Variants in NPHS1 observed in about 807,000 individuals in gnomAD.
NPHS1 encodes nephrin.
In NPHS1, 107 loss-of-function variants were observed where a neutral mutation model predicts 139.7. The observed-to-expected ratio is 0.77, with a 90% CI of 0.66 to 0.90. NPHS1 has a LOEUF of 0.90. NPHS1 is among the 40% of genes least tolerant of loss of function. The pLI is 0.00. For synonymous variants in NPHS1, 707 were observed against 706.6 expected (o/e 1.00, Z -0.01); for missense variants, 1,580 against 1,654.2 (o/e 0.96, Z 0.78).
chr19:35,838,573 C>T (rs746821898), intron 22 of NPHS1, among the ~76,000 whole-genome samples: 38 of 149,088 alleles, frequency 2.5e-4, no homozygotes, highest in South Asian at 2.1e-4. Context: ...AATAAGGCCG[C>T]GCATGGTGGC....
chr19:35,831,995 C>A (rs574900198), intron 23 of NPHS1, among the ~76,000 whole-genome samples: 1 of 152,186 alleles, frequency 6.6e-6, no homozygotes, highest in Non-Finnish European at 1.5e-5. Flanking sequence ...AAACTCAGAA[C>A]GGAACTCTGG....
At chr19:35,850,250 T>C (rs1973217286) in intron 5 of NPHS1, 114 bp downstream of exon 5, 3 of 809,608 alleles carry the variant, frequency 3.7e-6, no homozygotes, top group East Asian at 5.1e-5. Flanking sequence ...GGATGAAGAA[T>C]TGGGTCCCAG....
At position 35,846,016 on chromosome 19, in the gene NPHS1, G is replaced by T. The variant is rs149598144; in HGVS notation, c.1619C>A (p.Ala540Glu). ...GCAGTGCGAGCCCTCACACTGCACCGCCAGCTGCGTGGACGCGCTGAGCTG... is the reference window on the plus strand; with the variant it reads ...GCAGTGCGAGCCCTCACACTGCACCTCCAGCTGCGTGGACGCGCTGAGCTG... The part of the protein sequence containing the change: ...AGQLSASTQL[A>E]VQFPPTNVTI... The change falls in exon 12 of 29, where the codon GCG becomes GAG. Residue 540 changes from alanine (A) to glutamate (E), a missense_variant. Physicochemically the swap from Ala to Glu is moderately radical, Grantham distance 107. Transcript: ENST00000378910. 1,355 of 1,422,266 alleles carry T rather than the reference G, an allele frequency of 9.5e-4. 1 individual carries two copies. Among genetic ancestry groups the T allele is most frequent in the Non-Finnish European group, 1.2e-3 (1,307 of 1,064,722 alleles). The allele number at this position is 1,422,266 out of a possible 1,614,324, so 88.1% of individuals were successfully genotyped here.
In NPHS1 at chr19:35,844,177, TC is replaced by T. The variant is rs1973102039; in HGVS notation, c.2137del (p.Asp713ThrfsTer39). On this transcript the variant is annotated frameshift_variant, in exon 16 of 29. Transcript: ENST00000378910. LOFTEE classifies it high-confidence loss of function. ...GCAGTGCAGCTGATAGAGGCCGTCG[TC>T]CGCGCGGGTCACATTCCACAGATGC... Reference protein sequence around the residue: ...ALHLWNVTRADDGLYQLHCQN... With the variant: ...ALHLWNVTRAXDGLYQLHCQN... 1 of 1,611,394 alleles carries T rather than the reference TC, an allele frequency of 6.2e-7. No individual in the cohort carries two copies. The highest frequency in any genetic ancestry group is 8.5e-7 in the Non-Finnish European group (1 of 1,179,992).
rs751999651 is a variant in NPHS1 at position 35,826,611 on chromosome 19, T to G, written c.3629A>C (p.Tyr1210Ser). The G allele has an allele frequency of 2.5e-6, 4 of 1,614,044 alleles. No homozygotes were observed. The highest frequency in any genetic ancestry group is 3.4e-6 in the Non-Finnish European group (4 of 1,179,996). The change falls in exon 29 of 29, where the codon TAT becomes TCT. Residue 1210 changes from tyrosine (Y) to serine (S), a missense_variant. Tyr to Ser is a moderately radical substitution (Grantham distance 144). Coordinates refer to ENST00000378910, the MANE Select transcript of NPHS1 (RefSeq NM_004646.4). ...PWDLHWPEDTYQDPRGIYDQV... is the reference protein window; with the variant it reads ...PWDLHWPEDTSQDPRGIYDQV... ...GTCATAGATTCCTCTTGGATCCTGA[T>G]ATGTGTCTTCAGGCCAGTGGAGGTC...
At chr19:35,850,848 C>T (rs951924804) in intron 4 of NPHS1, 113 bp downstream of exon 4, 9 of 1,387,642 alleles carry the variant, frequency 6.5e-6, no homozygotes, top group South Asian at 1.2e-5. Flanking sequence ...GGTCCCCATC[C>T]CAGGGATGAC....
At position 35,848,090 on chromosome 19, in the gene NPHS1, A is replaced by T. The variant is rs1433100881; in HGVS notation, c.1391T>A (p.Val464Glu). ...TGGGTTGCCCCCGATAGCCAAACAC[A>T]CCAGCCTCACCCGGGTCCCAGCCCG... is the stretch of plus-strand genomic sequence containing the variant. ...KLRAGTRVRL[V>E]CLAIGGNPEP... is the part of the protein sequence containing the mutation. The change falls in exon 11 of 29, where the codon GTG becomes GAG. Residue 464 changes from valine to glutamate, a missense_variant. Transcript: ENST00000378910. The T allele has an allele frequency of 6.2e-7, 1 of 1,613,790 alleles. No individual in the cohort carries two copies. The highest frequency in any genetic ancestry group is 8.5e-7 in the Non-Finnish European group (1 of 1,179,976).
In NPHS1 at chr19:35,831,139, GTGCTGA is replaced by G; in HGVS notation, c.3389_3394del (p.Val1130_Thr1132delinsAla). ...GCGGTAATACGGCTCTGCCTCTGTT[GTGCTGA>G]CCTGTTCCCCACACGCAAAACAAAC... On this transcript the variant is annotated inframe_deletion and splice_region_variant, in exon 27 of 29. Coordinates refer to ENST00000378910, the MANE Select transcript of NPHS1 (RefSeq NM_004646.4). 5 of 1,613,864 alleles carry G rather than the reference GTGCTGA, an allele frequency of 3.1e-6. No homozygotes were observed. The highest frequency in any genetic ancestry group is 3.4e-6 in the Non-Finnish European group (4 of 1,180,000).
In NPHS1 at chr19:35,845,457, G is replaced by A; in HGVS notation, c.1841C>T (p.Ser614Phe). ...AARSVLLQVSSRDHGQRVTCR... is the reference protein window; with the variant it reads ...AARSVLLQVSFRDHGQRVTCR... Reference sequence around the variant, plus strand: ...GGTCACGCGCTGGCCATGATCGCGGGATGACACTTGCAGAAGGACGCTCCT... The same window carrying A: ...GGTCACGCGCTGGCCATGATCGCGGAATGACACTTGCAGAAGGACGCTCCT... Residue 614 changes from serine to phenylalanine, a missense_variant, in exon 14 of 29, where the codon TCC (serine) becomes TTC (phenylalanine). Physicochemically the swap from Ser to Phe is radical, Grantham distance 155. Transcript: ENST00000378910. This position sits in a 1 kb window ranked among gnomAD's most constrained non-coding sequence, Gnocchi z 5.5. 5 of 1,614,164 alleles carry A rather than the reference G, an allele frequency of 3.1e-6. No homozygotes were observed. The highest frequency in any genetic ancestry group is 2.2e-5 in the East Asian group (1 of 44,880).
chr19:35,837,010 AG>A (rs376505822), intron 22 of NPHS1, among the ~76,000 whole-genome samples: 33 of 136,166 alleles, frequency 2.4e-4, no homozygotes, highest in African/African-American at 8.4e-4. Flanking sequence ...AAAAAAAAAA[AG>A]AAAGAAAAGA....
At chr19:35,851,178 G>C (rs1314486520) in intron 3 of NPHS1, 84 bp downstream of exon 3, 8 of 1,612,710 alleles carry the variant, frequency 5.0e-6, no homozygotes, top group East Asian at 2.2e-5. Flanking sequence ...GAGAGGAGAG[G>C]CTGGGGGCTT....
At position 35,842,176 on chromosome 19, in the gene NPHS1, T is replaced by C. The variant is rs767642725; in HGVS notation, c.2611A>G (p.Ile871Val). The change falls in exon 19 of 29, where the codon ATC becomes GTC. Residue 871 changes from isoleucine (I) to valine (V), a missense_variant. Coordinates refer to ENST00000378910, the MANE Select transcript of NPHS1 (RefSeq NM_004646.4). ...LHCRARGVPN[I>V]VFTWTKNGVP... is the part of the protein sequence containing the mutation. ...CCGTTTTTTGTCCAAGTGAAAACGA[T>C]GTTGGGGACACCTCGGGCACGGCAG... The C allele has an allele frequency of 1.9e-5, 31 of 1,611,216 alleles. No individual in the cohort carries two copies. Among genetic ancestry groups the C allele is most frequent in the Middle Eastern group, 1.7e-4 (1 of 6,054 alleles).
chr19:35,837,534 T>C (rs1229889709), intron 22 of NPHS1, among the ~76,000 whole-genome samples: 3 of 152,322 alleles, frequency 2.0e-5, no homozygotes, highest in Middle Eastern at 6.8e-3. Context: ...TATTATTTTC[T>C]TCTTTCTGTT....
chr19:35,850,956 C>T lies in NPHS1; in HGVS notation c.526+5G>A, dbSNP rs386833950. 1.9e-6 allele frequency: 3 copies of T among 1,613,882 alleles called. No individual in the cohort carries two copies. The highest frequency in any genetic ancestry group is 1.7e-5 in the Admixed American group (1 of 59,998). On this transcript the variant is annotated splice_donor_5th_base_variant and intron_variant, in intron 4 of 28. Coordinates refer to ENST00000378910, the MANE Select transcript of NPHS1 (RefSeq NM_004646.4). The stretch of plus-strand genomic sequence containing the variant: ...CCCCCTGCCACCCAGTTCACCCACA[C>T]TCACTCAGGAGAATGGTGATGTCAG...
intron 9 of NPHS1, 64 bp downstream of exon 9, chr19:35,848,573 T>G: frequency 6.3e-7 from 1 of 1,596,840 alleles, no homozygotes; most frequent in Non-Finnish European, 8.6e-7. Flanking sequence ...ACCCCTTCCC[T>G]ATCCACGAGT....
rs767870775 is a variant in NPHS1 at position 35,845,829 on chromosome 19, A to C, written c.1628-31T>G. The C allele has an allele frequency of 1.2e-6, 2 of 1,607,208 alleles. No individual in the cohort carries two copies. ...AGACGGGGTTGGAGGAGCGAGACTCAGAGGTTAGGGGCGGCCTGGTCTGCG... is the reference window on the plus strand; with the variant it reads ...AGACGGGGTTGGAGGAGCGAGACTCCGAGGTTAGGGGCGGCCTGGTCTGCG... On this transcript the variant is annotated intron_variant, in intron 12 of 28. Coordinates refer to ENST00000378910, the MANE Select transcript of NPHS1 (RefSeq NM_004646.4). The surrounding 1 kb of genome is among the most constrained non-coding windows in gnomAD (Gnocchi z 5.5).
At position 35,843,549 on chromosome 19, in the gene NPHS1, C is replaced by T. The variant is rs753894951; in HGVS notation, c.2257G>A (p.Val753Ile). ...RALQDPTEVNVGGSVDIVCTV... is the reference protein window; with the variant it reads ...RALQDPTEVNIGGSVDIVCTV... ...CAGACTATGTCCACAGAACCCCCGACGTTCACCTCAGTGGGGTCCTGGAGG... is the reference window on the plus strand; with the variant it reads ...CAGACTATGTCCACAGAACCCCCGATGTTCACCTCAGTGGGGTCCTGGAGG... Residue 753 changes from valine to isoleucine, a missense_variant, in exon 17 of 29, where the codon GTC becomes ATC. By Grantham distance (29) the Val-to-Ile change is conservative (BLOSUM62 3). Coordinates refer to ENST00000378910, the MANE Select transcript of NPHS1 (RefSeq NM_004646.4). 2.5e-6 allele frequency: 4 copies of T among 1,614,116 alleles called. No individual in the cohort carries two copies. The highest frequency in any genetic ancestry group is 1.1e-5 in the South Asian group (1 of 91,078).
chr19:35,836,840 A>G (rs1972968313), intron 22 of NPHS1, among the ~76,000 whole-genome samples: 1 of 151,708 alleles, frequency 6.6e-6, no homozygotes. Context: ...ACTAAAAAAT[A>G]CAAAAATTAG....
chr19:35,848,176 GAGGA>G lies in NPHS1; in HGVS notation c.1316-15_1316-12del, dbSNP rs1310116394. The stretch of plus-strand genomic sequence containing the variant: ...GTTTCTGGGCGGGATCTGGCGGGGA[GAGGA>G]AGGAAGAATGACTTTTTCTCTGTGC... On this transcript the variant is annotated splice_polypyrimidine_tract_variant and intron_variant, in intron 10 of 28. Coordinates refer to ENST00000378910, the MANE Select transcript of NPHS1 (RefSeq NM_004646.4). The G allele has an allele frequency of 1.2e-6, 2 of 1,614,064 alleles. No homozygotes were observed. The highest frequency in any genetic ancestry group is 1.7e-6 in the Non-Finnish European group (2 of 1,180,036).
Sources: allele counts gnomAD v4.1 joint callset (sites outside exome capture counted in the v4.1 genomes callset), GRCh38; gene constraint gnomAD v4.1.1; non-coding constraint Gnocchi (gnomAD v3.1); transcripts MANE v1.5; gene names NCBI Gene and HGNC (gene_info 2026-07-23, HGNC 2026-07-21).